Variants in ARFGEF1 observed in about 807,000 individuals in gnomAD.
The protein encoded by ARFGEF1 is brefeldin A-inhibited guanine nucleotide-exchange protein 1.
In ARFGEF1, 42 loss-of-function variants were observed where a neutral mutation model predicts 231.0. That is an observed-to-expected ratio of 0.18 (90% CI 0.14 to 0.24). ARFGEF1 has a LOEUF of 0.24. Among genes scored for constraint, ARFGEF1 ranks in the 10% least tolerant of loss-of-function variants. The pLI, the probability that ARFGEF1 is intolerant of heterozygous loss-of-function variation, is 1.00. For synonymous variants in ARFGEF1, 710 were observed against 732.3 expected (o/e 0.97, Z 0.49); for missense variants, 1,345 against 2,192.0 (o/e 0.61, Z 7.72).
At chr8:67,214,117 G>A (rs1838843179) in intron 33 of ARFGEF1, among the ~76,000 whole-genome samples, 1 of 152,206 alleles carries the variant, frequency 6.6e-6, no homozygotes, top group Non-Finnish European at 1.5e-5. Context: ...TGTAGTTCTG[G>A]TGAGGATCCA....
At chr8:67,335,779 C>T (rs944537392) in intron 1 of ARFGEF1, among the ~76,000 whole-genome samples, 3 of 151,520 alleles carry the variant, frequency 2.0e-5, no homozygotes, top group African/African-American at 4.9e-5. Context: ...CGGACTCTCG[C>T]ACTGTCTCTC....
At chr8:67,279,943 T>C (rs1319612733) in intron 7 of ARFGEF1, among the ~76,000 whole-genome samples, 1 of 152,166 alleles carries the variant, frequency 6.6e-6, no homozygotes, top group African/African-American at 2.4e-5. Context: ...AGGTGGTGAA[T>C]TGAGCCTACC....
intron 14 of ARFGEF1, 86 bp downstream of exon 14, chr8:67,265,917 CATT>C: frequency 3.4e-6 from 4 of 1,160,298 alleles, no homozygotes; most frequent in Non-Finnish European, 3.7e-6. Flanking sequence ...CCATTTTACT[CATT>C]ATAAGGTGAT....
At chr8:67,290,897 C>T (rs1037870514) in intron 6 of ARFGEF1, among the ~76,000 whole-genome samples, 1 of 151,552 alleles carries the variant, frequency 6.6e-6, no homozygotes, top group Admixed American at 6.6e-5. Context: ...TCTCAGAAAG[C>T]TGGGGGGAAA....
chr8:67,210,860 C>G (rs1838710651), intron 34 of ARFGEF1, among the ~76,000 whole-genome samples: 1 of 151,404 alleles, frequency 6.6e-6, no homozygotes, highest in South Asian at 2.1e-4. Context: ...TGAGACCAGC[C>G]TGGCCAACAT....
intron 5 of ARFGEF1, among the ~76,000 whole-genome samples, chr8:67,293,957 C>T (rs1164768913): frequency 2.0e-5 from 3 of 152,110 alleles, no homozygotes; most frequent in Non-Finnish European, 4.4e-5. Flanking sequence ...ACAGTTCGCC[C>T]TCTGTGTATC....
intron 1 of ARFGEF1, among the ~76,000 whole-genome samples, chr8:67,313,734 T>C (rs1276902585): frequency 4.6e-5 from 7 of 152,214 alleles, no homozygotes; most frequent in African/African-American, 1.4e-4. Flanking sequence ...TTTGTGCTGG[T>C]TGGCCTCCTG....
chr8:67,236,361 AAAAAAT>A (rs1322961282), intron 22 of ARFGEF1, among the ~76,000 whole-genome samples: 7 of 42,072 alleles, frequency 1.7e-4, no homozygotes, highest in Non-Finnish European at 3.0e-4. Flanking sequence ...AAAAAAAAAA[AAAAAAT>A]ATATATATAT....
chr8:67,195,550 C>G (rs527426163), downstream of ARFGEF1: 185 of 1,614,170 alleles, frequency 1.1e-4, 2 homozygotes, highest in South Asian at 1.8e-3. Context: ...CCTGGAAAAC[C>G]AGGCACTTTC....
chr8:67,223,554 G>C (rs1400248084), intron 29 of ARFGEF1, among the ~76,000 whole-genome samples: 2 of 152,084 alleles, frequency 1.3e-5, no homozygotes, highest in African/African-American at 4.8e-5. Context: ...AAAATCAAAG[G>C]CCATCACTGA....
intron 3 of ARFGEF1, among the ~76,000 whole-genome samples, chr8:67,300,366 G>A (rs1806424160): frequency 6.6e-6 from 1 of 152,146 alleles, no homozygotes; most frequent in Admixed American, 6.5e-5. Flanking sequence ...TTAGAAACTT[G>A]TCTTACAAAT....
At chr8:67,230,172 G>A (rs1042310439) in intron 23 of ARFGEF1, among the ~76,000 whole-genome samples, 6 of 152,010 alleles carry the variant, frequency 3.9e-5, no homozygotes, top group Non-Finnish European at 8.8e-5. Flanking sequence ...AGCAGTCTGT[G>A]GGGGCATTTA....
intron 36 of ARFGEF1, among the ~76,000 whole-genome samples, chr8:67,202,115 A>G (rs1284578997): frequency 2.6e-5 from 4 of 152,276 alleles, no homozygotes; most frequent in Non-Finnish European, 5.9e-5. Context: ...AGAATGGCAC[A>G]GCTGTTTCAA....
chr8:67,332,326 T>C (rs1320083295), intron 1 of ARFGEF1, among the ~76,000 whole-genome samples: 2 of 152,270 alleles, frequency 1.3e-5, no homozygotes, highest in South Asian at 2.1e-4. Flanking sequence ...AATATTAATA[T>C]AAAAAGCAAA....
intron 38 of ARFGEF1, 72 bp downstream of exon 38, chr8:67,200,324 G>A (rs756955001): frequency 3.5e-5 from 38 of 1,077,880 alleles, no homozygotes; most frequent in African/African-American, 1.1e-4. Context: ...CTTGCACGGC[G>A]GCTCTGGGAC....
At chr8:67,235,084 A>ATGTG (rs746111295) in intron 22 of ARFGEF1, among the ~76,000 whole-genome samples, 3 of 121,962 alleles carry the variant, frequency 2.5e-5, no homozygotes, top group East Asian at 2.1e-4. Flanking sequence ...ATATATATAT[A>ATGTG]TGTGTGTGTG....
rs552673647 is a variant in ARFGEF1, at chr8:67,200,615, T to G, written c.5268-102A>C. 4.2e-6 allele frequency: 3 copies of G among 722,544 alleles called. No individual in the cohort carries two copies. In the Admixed American group the frequency reaches 6.8e-5, roughly 16 times the overall value. The allele number at this position is 722,544 out of a possible 1,614,324, so 44.8% of individuals were successfully genotyped here. A position where few individuals can be genotyped will look rare whatever the true frequency, so the allele number is the denominator to read the frequency against. On this transcript the variant is annotated intron_variant, in intron 37 of 38. Coordinates refer to ENST00000262215, the MANE Select transcript of ARFGEF1 (RefSeq NM_006421.5). ...GAACATAGTAGTGAATATGAACTATTCAAGAACATGTTAGATCCCATCTGT... is the reference window on the plus strand; with the variant it reads ...GAACATAGTAGTGAATATGAACTATGCAAGAACATGTTAGATCCCATCTGT...
At position 67,257,762 on chromosome 8, in the gene ARFGEF1, G is replaced by A. The variant is rs1201299157; in HGVS notation, c.2496C>T (p.Ile832=). ...DTAYVLAYSI[I]MLTTDLHSPQ... ...GACTGTGAAGGTCTGTGGTCAACAT[G>A]ATAATTGAATAAGCCAAAACATAAG... The change falls in exon 17 of 39, where the codon ATC becomes ATT. Residue 832 remains isoleucine (I), a synonymous_variant. Coordinates refer to ENST00000262215, the MANE Select transcript of ARFGEF1 (RefSeq NM_006421.5). 6.2e-7 allele frequency: 1 copy of A among 1,609,798 alleles called. No homozygotes were observed. Among genetic ancestry groups the A allele is most frequent in the South Asian group, 1.1e-5 (1 of 89,700 alleles).
chr8:67,247,108 C>A (rs1032860853), intron 19 of ARFGEF1, among the ~76,000 whole-genome samples: 1 of 150,264 alleles, frequency 6.7e-6, no homozygotes, highest in Non-Finnish European at 1.5e-5. Flanking sequence ...AACAAAAAGT[C>A]TCTCAGCAAA....
Sources: allele counts gnomAD v4.1 joint callset (sites outside exome capture counted in the v4.1 genomes callset), GRCh38; gene constraint gnomAD v4.1.1; transcripts MANE v1.5; gene names NCBI Gene and HGNC (gene_info 2026-07-23, HGNC 2026-07-21).